CCSER1: variants seen among roughly 807,000 people sequenced by gnomAD.
CCSER1 encodes coiled-coil serine rich protein 1.
Under a neutral mutation model 82.0 loss-of-function variants are expected in CCSER1, and 41 were observed. The ratio of observed to expected loss-of-function variants is 0.50; its 90% CI spans 0.39 to 0.65. CCSER1 has a LOEUF of 0.65. CCSER1 is among the 30% of genes least tolerant of loss of function. The probability of loss-of-function intolerance (pLI) is 0.00; values close to 1 mark genes in which losing one functional copy is unlikely to be tolerated. For missense variants in CCSER1, 1,119 were observed against 1,064.2 expected (o/e 1.05, Z -0.72); for synonymous variants, 414 against 383.9 (o/e 1.08, Z -0.92).
chr4:91,110,045 C>A (rs13152073), intron 10 of CCSER1, among the ~76,000 whole-genome samples: 14,465 of 151,970 alleles, frequency 0.095, 924 homozygotes, highest in East Asian at 0.27. Flanking sequence ...TAGATTAAAA[C>A]TAAGCAAATT....
chr4:91,499,933 A>G (rs1759116577), intron 10 of CCSER1, among the ~76,000 whole-genome samples: 1 of 152,088 alleles, frequency 6.6e-6, no homozygotes, highest in South Asian at 2.1e-4. Context: ...GCAGTTATAA[A>G]TATCAATGTA....
chr4:90,646,157 T>C (rs1727547826), intron 6 of CCSER1, among the ~76,000 whole-genome samples: 1 of 152,138 alleles, frequency 6.6e-6, no homozygotes, highest in Non-Finnish European at 1.5e-5. Context: ...GCGTTGATTT[T>C]GGGGAAAAAA....
chr4:91,064,785 A>T (rs1744225996), intron 9 of CCSER1, among the ~76,000 whole-genome samples: 1 of 152,242 alleles, frequency 6.6e-6, no homozygotes, highest in Admixed American at 6.5e-5. Flanking sequence ...TCTAAAGAGT[A>T]GTTTAAGACC....
intron 3 of CCSER1, among the ~76,000 whole-genome samples, chr4:90,369,296 AAAG>A (rs1462472629): frequency 6.7e-5 from 10 of 149,858 alleles, no homozygotes; most frequent in Admixed American, 1.3e-4. Context: ...AGGAGGAGGA[AAAG>A]AAGAAGGACA....
chr4:90,437,180 T>A (rs1280907436), intron 4 of CCSER1, among the ~76,000 whole-genome samples: 1 of 152,074 alleles, frequency 6.6e-6, no homozygotes, highest in Non-Finnish European at 1.5e-5. Flanking sequence ...GAGAAACAAG[T>A]ACTCATTTTT....
intron 7 of CCSER1, among the ~76,000 whole-genome samples, chr4:90,740,012 GA>G (rs1430199321): frequency 6.6e-6 from 1 of 152,070 alleles, no homozygotes. Flanking sequence ...TGGTTGGGGG[GA>G]ATGATTTCTG....
chr4:91,183,801 T>C (rs1734266991), intron 10 of CCSER1, among the ~76,000 whole-genome samples: 1 of 152,170 alleles, frequency 6.6e-6, no homozygotes, highest in South Asian at 2.1e-4. Flanking sequence ...TTCAATTGGT[T>C]GTAACTTGAC....
At chr4:90,386,372 A>G (rs1198523592) in intron 3 of CCSER1, among the ~76,000 whole-genome samples, 1 of 152,160 alleles carries the variant, frequency 6.6e-6, no homozygotes, top group Admixed American at 6.5e-5. Flanking sequence ...TTGATCTTCT[A>G]CAAAGCAGAC....
At chr4:90,816,566 T>G (rs906738641) in intron 8 of CCSER1, among the ~76,000 whole-genome samples, 4 of 152,050 alleles carry the variant, frequency 2.6e-5, no homozygotes, top group African/African-American at 9.7e-5. Flanking sequence ...AAGATAGTAC[T>G]CTAAAACAAT....
intron 9 of CCSER1, among the ~76,000 whole-genome samples, chr4:91,009,573 C>T (rs1738833753): frequency 6.6e-6 from 1 of 152,150 alleles, no homozygotes; most frequent in African/African-American, 2.4e-5. Context: ...TTGCTCTTTC[C>T]CCCCTTTATT....
intron 6 of CCSER1, among the ~76,000 whole-genome samples, chr4:90,630,792 T>G (rs1724225012): frequency 6.6e-6 from 1 of 151,352 alleles, no homozygotes; most frequent in Non-Finnish European, 1.5e-5. Context: ...AGATTAACAA[T>G]ATATTTTAAT....
At chr4:90,815,706 C>A in intron 7 of CCSER1, 56 bp from the exon 8 acceptor site, 2 of 1,281,170 alleles carry the variant, frequency 1.6e-6, no homozygotes, top group South Asian at 1.5e-5. Flanking sequence ...CTTTCCTTAT[C>A]AAGAGCAAAG....
At chr4:90,704,760 T>C (rs1738959184) in intron 6 of CCSER1, among the ~76,000 whole-genome samples, 1 of 152,238 alleles carries the variant, frequency 6.6e-6, no homozygotes, top group Non-Finnish European at 1.5e-5. Context: ...TTCCAGTTGA[T>C]TGAATTCGCT....
At chr4:90,345,676 A>G (rs1270689367) in intron 3 of CCSER1, among the ~76,000 whole-genome samples, 1 of 152,124 alleles carries the variant, frequency 6.6e-6, no homozygotes, top group East Asian at 1.9e-4. Flanking sequence ...TGCTAAAGGC[A>G]CTGAGCACAA....
intron 1 of CCSER1, among the ~76,000 whole-genome samples, chr4:90,147,342 G>A (rs1022577242): frequency 1.3e-5 from 2 of 152,128 alleles, no homozygotes; most frequent in African/African-American, 4.8e-5. Context: ...TGATTACACA[G>A]TTTGTTGTGG....
At chr4:91,020,532 G>T (rs541083194) in intron 9 of CCSER1, among the ~76,000 whole-genome samples, 176 of 152,090 alleles carry the variant, frequency 1.2e-3, no homozygotes, top group Middle Eastern at 6.8e-3. Flanking sequence ...TGTGGTGGCG[G>T]GTGCCTGTAG....
At chr4:91,169,800 TACCTGTTC>T (rs1423366889) in intron 10 of CCSER1, among the ~76,000 whole-genome samples, 3 of 152,196 alleles carry the variant, frequency 2.0e-5, no homozygotes, top group African/African-American at 7.2e-5. Context: ...CTTGCAAACT[TACCTGTTC>T]ATAGTTGGTC....
intron 10 of CCSER1, among the ~76,000 whole-genome samples, chr4:91,488,591 G>A (rs1345727637): frequency 1.3e-5 from 2 of 152,090 alleles, no homozygotes; most frequent in Admixed American, 6.6e-5. Context: ...ACGAGAACTG[G>A]TTGTTTAAAA....
At chr4:90,846,991 A>T (rs1267293861) in intron 8 of CCSER1, among the ~76,000 whole-genome samples, 1 of 152,156 alleles carries the variant, frequency 6.6e-6, no homozygotes, top group African/African-American at 2.4e-5. Context: ...TCTTAATTTG[A>T]TTTAATTCTT....
Sources: allele counts gnomAD v4.1 joint callset (sites outside exome capture counted in the v4.1 genomes callset), GRCh38; gene constraint gnomAD v4.1.1; transcripts MANE v1.5; gene names NCBI Gene and HGNC (gene_info 2026-07-23, HGNC 2026-07-21).